Variants in ITSN1 observed in about 807,000 individuals in gnomAD.
ITSN1 encodes the protein intersectin 1.
In ITSN1, 58 loss-of-function variants were observed where a neutral mutation model predicts 239.8. The ratio of observed to expected loss-of-function variants is 0.24; its 90% CI spans 0.20 to 0.30. The LOEUF (loss-of-function observed/expected upper bound fraction) is 0.30. ITSN1 is among the 10% of genes least tolerant of loss of function. The pLI, the probability that ITSN1 is intolerant of heterozygous loss-of-function variation, is 1.00. For synonymous variants in ITSN1, 780 were observed against 770.8 expected, an observed-to-expected ratio of 1.01 and a Z score of -0.20; for missense variants, 1,558 against 2,103.3, an observed-to-expected ratio of 0.74 and a Z score of 5.07.
chr21:33,652,591 T>C (rs1024093049), intron 1 of ITSN1, among the ~76,000 whole-genome samples: 1 of 152,156 alleles, frequency 6.6e-6, no homozygotes, highest in Non-Finnish European at 1.5e-5. Flanking sequence ...TGTAAAGCCT[T>C]TGCAGCATAC....
intron 1 of ITSN1, among the ~76,000 whole-genome samples, chr21:33,688,534 G>GT (rs1226016471): frequency 6.6e-6 from 1 of 152,200 alleles, no homozygotes; most frequent in African/African-American, 2.4e-5. Flanking sequence ...GCCAAACCAT[G>GT]TAACAGAGGC....
chr21:33,832,845 G>A (rs1602510233), intron 27 of ITSN1, among the ~76,000 whole-genome samples: 1 of 152,336 alleles, frequency 6.6e-6, no homozygotes, highest in South Asian at 2.1e-4. Context: ...CAGAGGTAAT[G>A]TGGTGGAAGT....
chr21:33,735,450 G>A, intron 5 of ITSN1: 1 of 466,040 alleles, frequency 2.1e-6, no homozygotes, highest in Non-Finnish European at 3.9e-6. Flanking sequence ...GGAAAAGGAA[G>A]AAACTTACAG....
At chr21:33,767,645 C>T (rs2068818837) in intron 10 of ITSN1, 68 bp from the exon 11 acceptor site, 3 of 789,146 alleles carry the variant, frequency 3.8e-6, no homozygotes, top group Non-Finnish European at 6.1e-6. Context: ...AATCCTTCTT[C>T]ATAACTTGTC....
chr21:33,811,323 A>C, intron 21 of ITSN1, 101 bp downstream of exon 21: 4 of 1,174,880 alleles, frequency 3.4e-6, no homozygotes, highest in East Asian at 2.4e-5. Flanking sequence ...TTGTCCTTCT[A>C]TGTGAGGGAG....
At position 33,850,608 on chromosome 21, in the gene ITSN1, C is replaced by A. The variant is rs182001934; in HGVS notation, c.3662-6128C>A. ...AAGGACCCGGACTGCCTCCTTCTCA[C>A]TGAACCCCGGGGCCGAGCGTGGATG... On this transcript the variant is annotated intron_variant, in intron 29 of 39. Transcript: ENST00000381318. Among the ~76,000 whole-genome samples the A allele has an allele frequency of 1.3e-3, 201 of 152,374 alleles. 1 individual carries two copies. The highest frequency in any genetic ancestry group is 4.6e-3 in the African/African-American group (190 of 41,584).
intron 34 of ITSN1, among the ~76,000 whole-genome samples, chr21:33,880,068 C>A (rs955895577): frequency 5.9e-5 from 9 of 152,174 alleles, no homozygotes; most frequent in Admixed American, 4.6e-4. Context: ...GGCTATCATG[C>A]ACAGCGTCGT....
rs1386215309 is a variant in ITSN1, at chr21:33,896,006, C to T, written c.*7706C>T. 6.6e-6 allele frequency: 1 copy of T among 152,390 alleles called. No homozygotes were observed. The highest frequency in any genetic ancestry group is 1.5e-5 in the Non-Finnish European group (1 of 68,168). 9.4% of individuals were successfully genotyped at this position (152,390 alleles called of 1,614,324 possible). A position where few individuals can be genotyped will look rare whatever the true frequency, so the allele number is the denominator to read the frequency against. ...ACACCCAGGAGGCCGGCCCTGACCA[C>T]ACTGTTCTCTGCTGGTTCCCGAAGC... On this transcript the variant is annotated 3_prime_UTR_variant, in exon 40 of 40. Transcript: ENST00000381318.
intron 29 of ITSN1, among the ~76,000 whole-genome samples, chr21:33,846,423 G>C (rs1389328302): frequency 6.6e-6 from 1 of 152,204 alleles, no homozygotes; most frequent in South Asian, 2.1e-4. Flanking sequence ...TAGACTGTGA[G>C]CTCCTTGGAG....
intron 29 of ITSN1, among the ~76,000 whole-genome samples, chr21:33,850,877 T>G (rs1258422724): frequency 6.6e-6 from 1 of 152,116 alleles, no homozygotes; most frequent in Non-Finnish European, 1.5e-5. Flanking sequence ...CTGGGGTGCA[T>G]GGGCTCACCT....
rs779181323 is a variant in ITSN1 at position 33,814,040 on chromosome 21, A to G, written c.2695A>G (p.Thr899Ala). 3.7e-6 allele frequency: 6 copies of G among 1,614,014 alleles called. No homozygotes were observed. The South Asian group carries it at 6.6e-5, about 18-fold the overall frequency. Residue 899 changes from threonine (T) to alanine (A), a missense_variant, in exon 22 of 40, where the codon ACT becomes GCT. This residue lies in a region of ITSN1 where 982 missense variants were observed against 1,209.9 expected (regional missense o/e 0.81). Coordinates refer to ENST00000381318, the MANE Select transcript of ITSN1 (RefSeq NM_003024.3). Reference protein sequence around the residue: ...QRSAFTPATATGSSPSPVLGQ... With the variant: ...QRSAFTPATAAGSSPSPVLGQ... Reference sequence around the variant, plus strand: ...GTCCGCCTTTACTCCAGCCACGGCCACTGGCTCCTCCCCGTCTCCTGTGCT... The same window carrying G: ...GTCCGCCTTTACTCCAGCCACGGCCGCTGGCTCCTCCCCGTCTCCTGTGCT...
At chr21:33,802,964 C>T (rs374937317) in intron 20 of ITSN1, among the ~76,000 whole-genome samples, 39 of 152,230 alleles carry the variant, frequency 2.6e-4, no homozygotes, top group African/African-American at 8.4e-4. Context: ...ATAAAGATTC[C>T]GAACAGTTCA....
chr21:33,766,893 T>TG (rs1185935708), intron 10 of ITSN1, among the ~76,000 whole-genome samples: 1 of 151,944 alleles, frequency 6.6e-6, no homozygotes, highest in Non-Finnish European at 1.5e-5. Context: ...GGGAGGGTGG[T>TG]GCGGTGGCTC....
rs1317280651 is a variant in ITSN1, at chr21:33,891,300, C to G, written c.*3000C>G. The G allele has an allele frequency of 6.6e-6, 1 of 152,218 alleles. No individual in the cohort carries two copies. The highest frequency in any genetic ancestry group is 2.4e-5 in the African/African-American group (1 of 41,452). 9.4% of individuals were successfully genotyped at this position (152,218 alleles called of 1,614,324 possible). On this transcript the variant is annotated 3_prime_UTR_variant, in exon 40 of 40. Transcript: ENST00000381318. Reference sequence around the variant, plus strand: ...TTTGTTTGGATAATATGTCCCTGTCCTCTGATAGCAGAGGAAAGAGCTCTG... The same window carrying G: ...TTTGTTTGGATAATATGTCCCTGTCGTCTGATAGCAGAGGAAAGAGCTCTG...
intron 4 of ITSN1, among the ~76,000 whole-genome samples, chr21:33,732,698 A>G (rs1286450337): frequency 6.6e-6 from 1 of 152,218 alleles, no homozygotes; most frequent in African/African-American, 2.4e-5. Context: ...TTTTAGTTTT[A>G]AAACATTAAT....
chr21:33,868,917 T>G (rs1201693472), intron 33 of ITSN1, among the ~76,000 whole-genome samples: 2 of 152,226 alleles, frequency 1.3e-5, no homozygotes, highest in Admixed American at 6.5e-5. Flanking sequence ...ACCAAGTGGC[T>G]TCTACCTTGT....
At chr21:33,649,315 A>G (rs2088285258) in intron 1 of ITSN1, among the ~76,000 whole-genome samples, 1 of 152,262 alleles carries the variant, frequency 6.6e-6, no homozygotes, top group Non-Finnish European at 1.5e-5. Context: ...ACTGAAAAGT[A>G]AACCAAAACA....
chr21:33,802,414 T>G lies in ITSN1; in HGVS notation c.2305-16T>G, dbSNP rs773843713. ...ATATTTTGCCTTGCTTTCAAACCTT[T>G]GCTTTCCTGGTGGAGGTTAAAGGGG... is the stretch of plus-strand genomic sequence containing the variant. On this transcript the variant is annotated splice_polypyrimidine_tract_variant and intron_variant, in intron 19 of 39. Coordinates refer to ENST00000381318, the MANE Select transcript of ITSN1 (RefSeq NM_003024.3). The G allele has an allele frequency of 6.2e-7, 1 of 1,613,196 alleles. No homozygotes were observed. Among genetic ancestry groups the G allele is most frequent in the Non-Finnish European group, 8.5e-7 (1 of 1,179,386 alleles).
rs932526522 is a variant in ITSN1, at chr21:33,699,741, TAAGC to T, written c.-32-19051_-32-19048del. Among the ~76,000 whole-genome samples, 7 of 152,218 alleles carry T rather than the reference TAAGC, an allele frequency of 4.6e-5. No individual in the cohort carries two copies. The East Asian group carries it at 5.8e-4, about 13-fold the overall frequency. On this transcript the variant is annotated intron_variant, in intron 1 of 39. Coordinates refer to ENST00000381318, the MANE Select transcript of ITSN1 (RefSeq NM_003024.3). ...CTCAAAAAATTATAGAATAAATAAA[TAAGC>T]AAGCCCAAAGGCAATTTCATTTTAT...
Sources: gnomAD v4.1 joint callset for allele counts (sites outside exome capture counted in the v4.1 genomes callset) on GRCh38, gnomAD v4.1.1 for gene constraint, gnomAD v4.1.1 regional missense constraint, MANE v1.5 for transcripts, NCBI Gene and HGNC (gene_info 2026-07-23, HGNC 2026-07-21) for gene names.